The following RIOK2 variants were observed in gnomAD, a reference collection of about 807,000 sequenced individuals.
The protein encoded by RIOK2 is RIO kinase 2, also known as serine/threonine-protein kinase RIO2.
RIOK2 carries 46 observed loss-of-function variants against 62.4 expected under a neutral mutation model. The ratio of observed to expected loss-of-function variants is 0.74; its 90% confidence interval spans 0.58 to 0.94. The LOEUF is 0.94. RIOK2 is among the 40% of genes least tolerant of loss of function. The pLI, the probability that RIOK2 is intolerant of heterozygous loss-of-function variation, is 0.00. For missense variants in RIOK2, 574 were observed against 658.0 expected, an observed-to-expected ratio of 0.87 and a Z score of 1.40; for synonymous variants, 197 against 216.0, an observed-to-expected ratio of 0.91 and a Z score of 0.77.
At chr5:97,170,657 C>T (rs891010627) in intron 6 of RIOK2, among the ~76,000 whole-genome samples, 4 of 152,076 alleles carry the variant, frequency 2.6e-5, no homozygotes, top group Non-Finnish European at 5.9e-5. Flanking sequence ...GACTTTTGAA[C>T]GTCTGTCAAT....
chr5:97,172,599 T>G (rs1749043134), intron 5 of RIOK2, among the ~76,000 whole-genome samples: 2 of 152,172 alleles, frequency 1.3e-5, no homozygotes, highest in African/African-American at 4.8e-5. Flanking sequence ...GTCTATTAAT[T>G]CAGCAAGCAG....
At chr5:97,177,584 G>C (rs1749204868) in intron 3 of RIOK2, 148 bp downstream of exon 3, 2 of 599,072 alleles carry the variant, frequency 3.3e-6, no homozygotes, top group Non-Finnish European at 5.8e-6. Context: ...ACTAATTAAG[G>C]ACACCTTCTG....
chr5:97,161,890 C>G lies in RIOK2; in HGVS notation c.*1171G>C, dbSNP rs900907015. 1.2e-4 allele frequency: 19 copies of G among 152,042 alleles called. No homozygotes were observed. Among genetic ancestry groups the G allele is most frequent in the African/African-American group, 4.1e-4 (17 of 41,404 alleles). 9.4% of individuals were successfully genotyped at this position (152,042 alleles called of 1,614,324 possible). On this transcript the variant is annotated 3_prime_UTR_variant, in exon 10 of 10. Coordinates refer to ENST00000283109, the MANE Select transcript of RIOK2 (RefSeq NM_018343.3). ...TCAAAGATATATCTAAAATGCAAAG[C>G]AAGGGTATTTAAATATTTGAATGTC...
intron 1 of RIOK2, among the ~76,000 whole-genome samples, chr5:97,180,156 A>ATATATGTATATATATATATG (rs1749363691): frequency 7.6e-6 from 1 of 132,318 alleles, no homozygotes; most frequent in African/African-American, 2.8e-5. Context: ...ATATATATAT[A>ATATATGTATATATATATATG]TATATGTGCT....
At chr5:97,170,515 A>G (rs1443931820) in intron 6 of RIOK2, among the ~76,000 whole-genome samples, 2 of 152,218 alleles carry the variant, frequency 1.3e-5, no homozygotes, top group Non-Finnish European at 2.9e-5. Context: ...CAATCATGGA[A>G]CAGCAAGAAA....
intron 6 of RIOK2, among the ~76,000 whole-genome samples, chr5:97,169,797 A>G (rs1489365063): frequency 6.6e-6 from 1 of 152,188 alleles, no homozygotes; most frequent in Non-Finnish European, 1.5e-5. Context: ...TTGAAATTAA[A>G]TCACAATGTC....
chr5:97,165,507 T>C (rs1748820771), intron 8 of RIOK2, among the ~76,000 whole-genome samples: 2 of 152,230 alleles, frequency 1.3e-5, no homozygotes, highest in African/African-American at 4.8e-5. Context: ...TTTGAGACTC[T>C]TTCCACCTTC....
chr5:97,179,258 G>T, intron 1 of RIOK2, 65 bp from the exon 2 acceptor site: 2 of 1,494,010 alleles, frequency 1.3e-6, no homozygotes, highest in Non-Finnish European at 1.8e-6. Flanking sequence ...AAAACCCTGC[G>T]AAATTAACTT....
intron 1 of RIOK2, among the ~76,000 whole-genome samples, chr5:97,179,987 TATAAA>T (rs1749301717): frequency 2.0e-5 from 1 of 50,580 alleles, no homozygotes. Context: ...AATATATATA[TATAAA>T]ATATATATAT....
intron 1 of RIOK2, among the ~76,000 whole-genome samples, chr5:97,181,734 CT>C (rs1235500255): frequency 1.3e-4 from 20 of 152,154 alleles, no homozygotes; most frequent in African/African-American, 4.8e-4. Context: ...ATTTTCCATG[CT>C]TTGTCTCTGC....
rs1305025770 is a variant in RIOK2, at chr5:97,179,990, A to G, written c.67-797T>C. ...ATATATATATATAATATATATATATAAAATATATATATATTATATATATAT... is the reference window on the plus strand; with the variant it reads ...ATATATATATATAATATATATATATGAAATATATATATATTATATATATAT... On this transcript the variant is annotated intron_variant, in intron 1 of 9. Transcript: ENST00000283109. 6.5e-5 allele frequency among the ~76,000 whole-genome samples: 3 copies of G among 46,288 alleles called. 1 individual carries two copies. Among genetic ancestry groups the G allele is most frequent in the African/African-American group, 2.2e-4 (2 of 9,276 alleles). The allele number at this position is 46,288 out of a possible 152,430, so 30.4% of individuals were successfully genotyped here.
rs574262356 is a variant in RIOK2, at chr5:97,161,554, G to C, written c.*1507C>G. Reference sequence around the variant, plus strand: ...CTAATCTTTGCCCAAATGAGGTAAGGCCTCCATTTCTGATTGGAATAATTA... The same window carrying C: ...CTAATCTTTGCCCAAATGAGGTAAGCCCTCCATTTCTGATTGGAATAATTA... On this transcript the variant is annotated 3_prime_UTR_variant, in exon 10 of 10. Transcript: ENST00000283109. The C allele has an allele frequency of 6.6e-6, 1 of 152,050 alleles. No homozygotes were observed. The highest frequency in any genetic ancestry group is 2.1e-4 in the South Asian group (1 of 4,818). The allele number at this position is 152,050 out of a possible 1,614,324, so 9.4% of individuals were successfully genotyped here.
rs145910943 is a variant in RIOK2, at chr5:97,175,135, C to T, written c.499-1872G>A. On this transcript the variant is annotated intron_variant, in intron 4 of 9. Transcript: ENST00000283109. Reference sequence around the variant, plus strand: ...ATCTTCTCAACTTTAAGACACAGATCGTACTGGTTATTTCTTTGGCATCCA... The same window carrying T: ...ATCTTCTCAACTTTAAGACACAGATTGTACTGGTTATTTCTTTGGCATCCA... 2.3e-3 allele frequency among the ~76,000 whole-genome samples: 345 copies of T among 152,222 alleles called. 2 individuals are homozygous for T. Among genetic ancestry groups the T allele is most frequent in the African/African-American group, 7.7e-3 (318 of 41,532 alleles).
At position 97,163,088 on chromosome 5, in the gene RIOK2, C is replaced by T; in HGVS notation, c.1632G>A (p.Leu544=). ...RENMQNIKSS[L]EAASFWGE ...ATTCTCCCCAAAAGCTGGCTGCTTCCAAACTTGATTTGATATTTTGCATGT... is the reference window on the plus strand; with the variant it reads ...ATTCTCCCCAAAAGCTGGCTGCTTCTAAACTTGATTTGATATTTTGCATGT... Residue 544 remains leucine (L), a synonymous_variant, in exon 10 of 10, where the codon TTG becomes TTA. Transcript: ENST00000283109. 6.2e-7 allele frequency: 1 copy of T among 1,612,786 alleles called. No individual in the cohort carries two copies. Among genetic ancestry groups the T allele is most frequent in the African/African-American group, 1.3e-5 (1 of 74,992 alleles).
At position 97,162,977 on chromosome 5, in the gene RIOK2, G is replaced by C. The variant is rs770002594; in HGVS notation, c.*84C>G. 2.2e-5 allele frequency: 26 copies of C among 1,162,012 alleles called. No individual in the cohort carries two copies. The highest frequency in any genetic ancestry group is 2.9e-5 in the Non-Finnish European group (24 of 833,640). The allele number at this position is 1,162,012 out of a possible 1,614,324, so 72.0% of individuals were successfully genotyped here. A position where few individuals can be genotyped will look rare whatever the true frequency, so the allele number is the denominator to read the frequency against. On this transcript the variant is annotated 3_prime_UTR_variant, in exon 10 of 10. Coordinates refer to ENST00000283109, the MANE Select transcript of RIOK2 (RefSeq NM_018343.3). ...TATTTATTAATATATGATAGCCTTG[G>C]CTCAAAAAAGACAAATGAGGGCTCA... is the stretch of plus-strand genomic sequence containing the variant.
At chr5:97,182,711 C>G (rs189768771) in intron 1 of RIOK2, 69 of 216,446 alleles carry the variant, frequency 3.2e-4, no homozygotes, top group African/African-American at 1.7e-3. Context: ...TATGTGTTGA[C>G]TGAATGAATC....
chr5:97,167,904 AC>A lies in RIOK2; in HGVS notation c.959del (p.Gly320ValfsTer40). Reference sequence around the variant, plus strand: ...TTGTTTCAATATTTTTATCATCTGGACCTAATGGATGAAGCAGTTCATCATC... The same window carrying A: ...TTGTTTCAATATTTTTATCATCTGGACTAATGGATGAAGCAGTTCATCATC... The part of the protein sequence containing the change: ...QADDELLHPL[G>X]PDDKNIETKE... On this transcript the variant is annotated frameshift_variant, in exon 8 of 10. Transcript: ENST00000283109. LOFTEE classifies it high-confidence loss of function. 1 of 1,612,282 alleles carries A rather than the reference AC, an allele frequency of 6.2e-7. No homozygotes were observed. Among genetic ancestry groups the A allele is most frequent in the Non-Finnish European group, 8.5e-7 (1 of 1,179,990 alleles).
rs56023991 is a variant in RIOK2, at chr5:97,163,231, A to G, written c.1495-6T>C. ...ACCTTCTGTTTCACCAGTTCCTGGA[A>G]AGATTTCATAAATTAGTATTACTGA... On this transcript the variant is annotated splice_region_variant and splice_polypyrimidine_tract_variant and intron_variant, in intron 9 of 9. Transcript: ENST00000283109. The G allele has an allele frequency of 2.4e-3, 3,931 of 1,611,782 alleles. 74 individuals carry two copies. In the African/African-American group the frequency reaches 0.044, roughly 18 times the overall value.
In RIOK2 at chr5:97,178,650, A is replaced by AGTACTCTACC. The variant is rs1561521172; in HGVS notation, c.205+404_205+405insGGTAGAGTAC. On this transcript the variant is annotated intron_variant, in intron 2 of 9. Coordinates refer to ENST00000283109, the MANE Select transcript of RIOK2 (RefSeq NM_018343.3). ...ACCTACGTGCTCTTCTGTACTCTAC[A>AGTACTCTACC]TGCTCTTCTGCAGTACTCTACCTGC... 6.4e-5 allele frequency among the ~76,000 whole-genome samples: 7 copies of AGTACTCTACC among 109,468 alleles called. No individual in the cohort carries two copies. In the East Asian group the frequency reaches 8.9e-4, roughly 14 times the overall value. The allele number at this position is 109,468 out of a possible 152,430, so 71.8% of individuals were successfully genotyped here.
Sources: gnomAD v4.1 joint callset for allele counts (sites outside exome capture counted in the v4.1 genomes callset) on GRCh38, gnomAD v4.1.1 for gene constraint, MANE v1.5 for transcripts, NCBI Gene and HGNC (gene_info 2026-07-23, HGNC 2026-07-21) for gene names.